The following USP24 variants were observed in gnomAD, a reference collection of about 807,000 sequenced individuals.
The protein encoded by USP24 is ubiquitin specific peptidase 24, also known as ubiquitin carboxyl-terminal hydrolase 24.
In USP24, 97 loss-of-function variants were observed where a neutral mutation model predicts 361.6. That is an observed-to-expected ratio of 0.27 (90% CI 0.23 to 0.32). USP24 has a LOEUF of 0.32. USP24 is among the 10% of genes least tolerant of loss of function. The pLI, the probability that USP24 is intolerant of heterozygous loss-of-function variation, is 1.00. For missense variants in USP24, 2,353 were observed against 3,165.6 expected, an observed-to-expected ratio of 0.74 and a Z score of 6.16; for synonymous variants, 1,098 against 1,124.6, an observed-to-expected ratio of 0.98 and a Z score of 0.47.
At chr1:55,130,325 T>C (rs183398788) in intron 31 of USP24, among the ~76,000 whole-genome samples, 10 of 152,338 alleles carry the variant, frequency 6.6e-5, no homozygotes, top group South Asian at 4.1e-4. Context: ...TAAGTGAACA[T>C]AGTAGTTGCC....
At chr1:55,102,974 C>G (rs116082513) in intron 42 of USP24, among the ~76,000 whole-genome samples, 383 of 152,298 alleles carry the variant, frequency 2.5e-3, no homozygotes, top group African/African-American at 9.1e-3. Context: ...TCCCCACTTC[C>G]TTTCCTACCT....
chr1:55,157,830 T>A (rs936784619), intron 10 of USP24, among the ~76,000 whole-genome samples: 1 of 139,072 alleles, frequency 7.2e-6, no homozygotes. Context: ...CGAGACTCCA[T>A]CTCAAAAAAA....
At position 55,161,834 on chromosome 1, in the gene USP24, C is replaced by T. The variant is rs987938650; in HGVS notation, c.993+365G>A. ...AACTGAGCCAGTAAGTGAGCCTAGCCGATTTAATACATAAATACTAATCTG... is the reference window on the plus strand; with the variant it reads ...AACTGAGCCAGTAAGTGAGCCTAGCTGATTTAATACATAAATACTAATCTG... On this transcript the variant is annotated intron_variant, in intron 8 of 67. Transcript: ENST00000294383. 4.6e-5 allele frequency among the ~76,000 whole-genome samples: 7 copies of T among 151,886 alleles called. No homozygotes were observed. The East Asian group carries it at 9.6e-4, about 21-fold the overall frequency.
intron 55 of USP24, among the ~76,000 whole-genome samples, chr1:55,086,616 G>T (rs1645257003): frequency 6.6e-6 from 1 of 152,194 alleles, no homozygotes; most frequent in Admixed American, 6.5e-5. Context: ...TAGATATAAG[G>T]TGATATGAAG....
chr1:55,107,507 A>G (rs1303903394), intron 39 of USP24, 77 bp from the exon 40 acceptor site: 9 of 1,405,068 alleles, frequency 6.4e-6, no homozygotes, highest in Non-Finnish European at 8.4e-6. Context: ...AATTAAAGTA[A>G]GCAAAGTCAA....
chr1:55,199,614 T>A lies in USP24; in HGVS notation c.324+15176A>T, dbSNP rs1294941317. Reference sequence around the variant, plus strand: ...GTGTGTGTGTGTGTGTGTGTGTGTGTGTGTGTGTGAGAGAGAGAGAGACAG... The same window carrying A: ...GTGTGTGTGTGTGTGTGTGTGTGTGAGTGTGTGTGAGAGAGAGAGAGACAG... On this transcript the variant is annotated intron_variant, in intron 1 of 67. Coordinates refer to ENST00000294383, the MANE Select transcript of USP24 (RefSeq NM_015306.3). 3.6e-3 allele frequency among the ~76,000 whole-genome samples: 511 copies of A among 140,684 alleles called. 5 individuals are homozygous for A. Among genetic ancestry groups the A allele is most frequent in the African/African-American group, 0.014 (468 of 33,800 alleles). The allele number at this position is 140,684 out of a possible 152,430, so 92.3% of individuals were successfully genotyped here.
intron 1 of USP24, among the ~76,000 whole-genome samples, chr1:55,192,210 G>C (rs1644308021): frequency 6.6e-6 from 1 of 152,094 alleles, no homozygotes; most frequent in African/African-American, 2.4e-5. Context: ...GATTACTCTT[G>C]AACCCAACAA....
chr1:55,083,354 C>T lies in USP24; in HGVS notation c.6893G>A (p.Arg2298Lys), dbSNP rs779693037. 5 of 1,613,366 alleles carry T rather than the reference C, an allele frequency of 3.1e-6. No homozygotes were observed. The highest frequency in any genetic ancestry group is 1.6e-4 in the Middle Eastern group (1 of 6,082). The part of the protein sequence containing the change: ...FNTFVQKQGI[R>K]AGDLLLRHSA... ...ATGCCTCAGAAGAAGATCTCCAGCC[C>T]TAATTCCTTGCTGTCACAAGATATT... The change falls in exon 58 of 68, where the codon AGG (arginine) becomes AAG (lysine). Residue 2298 changes from arginine (R) to lysine (K), a missense_variant. This residue lies in a region of USP24 where 598 missense variants were observed against 761.9 expected (regional missense o/e 0.78). Coordinates refer to ENST00000294383, the MANE Select transcript of USP24 (RefSeq NM_015306.3).
intron 42 of USP24, among the ~76,000 whole-genome samples, chr1:55,102,568 A>G (rs1310537937): frequency 6.6e-6 from 1 of 152,206 alleles, no homozygotes; most frequent in African/African-American, 2.4e-5. Flanking sequence ...TAGGTCTTCT[A>G]GATCTCAAGG....
intron 1 of USP24, among the ~76,000 whole-genome samples, chr1:55,206,229 G>C (rs1644699356): frequency 6.6e-6 from 1 of 152,198 alleles, no homozygotes; most frequent in African/African-American, 2.4e-5. Flanking sequence ...AAATAGTCCT[G>C]CTCAATGCCT....
rs1433515980 is a variant in USP24 at position 55,154,567 on chromosome 1, T to TACATTTAA, written c.1554+96_1555-102dup. ...AAAAACATTAACAACGTAAGAAAAG[T>TACATTTAA]ACATTTAAATACTGCTAACTGGTGG... On this transcript the variant is annotated intron_variant, in intron 13 of 67. Coordinates refer to ENST00000294383, the MANE Select transcript of USP24 (RefSeq NM_015306.3). 3 of 1,446,230 alleles carry TACATTTAA rather than the reference T, an allele frequency of 2.1e-6. No homozygotes were observed. In the East Asian group the frequency reaches 7.3e-5, roughly 35 times the overall value. 89.6% of individuals were successfully genotyped at this position (1,446,230 alleles called of 1,614,324 possible).
chr1:55,214,152 C>A (rs957306199), intron 1 of USP24, among the ~76,000 whole-genome samples: 1 of 151,974 alleles, frequency 6.6e-6, no homozygotes, highest in African/African-American at 2.4e-5. Context: ...TTCAAGTCCT[C>A]ATTCCTGGCC....
chr1:55,178,523 G>T (rs928115810), intron 1 of USP24, among the ~76,000 whole-genome samples: 1 of 151,820 alleles, frequency 6.6e-6, no homozygotes, highest in Non-Finnish European at 1.5e-5. Flanking sequence ...AAAAAAATTA[G>T]CCAGGTGTAG....
intron 17 of USP24, among the ~76,000 whole-genome samples, 190 bp downstream of exon 17, chr1:55,148,273 T>TA (rs142185905): frequency 0.29 from 39,786 of 137,438 alleles, 6,620 homozygotes; most frequent in African/African-American, 0.48. Flanking sequence ...TTAAGGAGAT[T>TA]AAAAAAAAAA....
At chr1:55,148,719 T>G in intron 16 of USP24, 149 bp from the exon 17 acceptor site, 1 of 598,788 alleles carries the variant, frequency 1.7e-6, no homozygotes, top group Non-Finnish European at 2.9e-6. Flanking sequence ...CTTATCTCCA[T>G]GCACTCATAA....
At position 55,197,845 on chromosome 1, in the gene USP24, C is replaced by T. The variant is rs191646089; in HGVS notation, c.324+16945G>A. On this transcript the variant is annotated intron_variant, in intron 1 of 67. Coordinates refer to ENST00000294383, the MANE Select transcript of USP24 (RefSeq NM_015306.3). ...GAAATCTATCTCCACATAACTTTGA[C>T]TAATACCTTACCTGACCACAATTAG... is the stretch of plus-strand genomic sequence containing the variant. 2.6e-3 allele frequency among the ~76,000 whole-genome samples: 399 copies of T among 152,332 alleles called. 4 individuals are homozygous for T. The highest frequency in any genetic ancestry group is 3.4e-3 in the Non-Finnish European group (234 of 68,044).
chr1:55,186,269 T>C (rs757903089), intron 1 of USP24, among the ~76,000 whole-genome samples: 1 of 152,124 alleles, frequency 6.6e-6, no homozygotes, highest in Non-Finnish European at 1.5e-5. Context: ...ATAAAAAATA[T>C]AGAAAAAAAT....
At chr1:55,107,999 G>C (rs917072048) in intron 39 of USP24, among the ~76,000 whole-genome samples, 7 of 152,100 alleles carry the variant, frequency 4.6e-5, no homozygotes, top group Admixed American at 4.6e-4. Context: ...GCCATATGCT[G>C]AGGCTATAAG....
chr1:55,131,816 T>C (rs955790120), intron 31 of USP24, among the ~76,000 whole-genome samples: 2 of 152,246 alleles, frequency 1.3e-5, no homozygotes, highest in Non-Finnish European at 2.9e-5. Context: ...TGGATTCTAT[T>C]CTTTAGTGCC....
Sources: gnomAD v4.1 joint callset for allele counts (sites outside exome capture counted in the v4.1 genomes callset) on GRCh38, gnomAD v4.1.1 for gene constraint, gnomAD v4.1.1 regional missense constraint, MANE v1.5 for transcripts, NCBI Gene and HGNC (gene_info 2026-07-23, HGNC 2026-07-21) for gene names.